The following UNC13C variants were observed in gnomAD, a reference collection of about 807,000 sequenced individuals.
The protein encoded by UNC13C is protein unc-13 homolog C.
In UNC13C, 174 loss-of-function variants were observed where a neutral mutation model predicts 245.4. The observed-to-expected ratio is 0.71, with a 90% CI of 0.63 to 0.80. The LOEUF (loss-of-function observed/expected upper bound fraction) is 0.80, where lower values mean the gene tolerates loss of function less well. UNC13C is among the 30% of genes least tolerant of loss of function. The pLI, the probability that UNC13C is intolerant of heterozygous loss-of-function variation, is 0.00. For missense variants in UNC13C, 2,829 were observed against 2,602.9 expected (o/e 1.09, Z -1.89); for synonymous variants, 992 against 895.1 (o/e 1.11, Z -1.93).
At chr15:54,335,794 G>C (rs2038559006) in intron 16 of UNC13C, among the ~76,000 whole-genome samples, 1 of 151,956 alleles carries the variant, frequency 6.6e-6, no homozygotes, top group South Asian at 2.1e-4. Flanking sequence ...TTACAATTTT[G>C]GTTTCTTACA....
Position 54,013,119 on chromosome 15 carries a change from T to C in UNC13C, c.216T>C (p.Thr72=). The change falls in exon 2 of 33, where the codon ACT becomes ACC. Residue 72 remains threonine, a synonymous_variant. Transcript: ENST00000260323. ...TVKKIAKCSS[T]HNLSTEEDEA... ...AGAAGATTGCAAAGTGTTCATCCACTCACAACTTATCCACTGAGGAAGACG... is the reference window on the plus strand; with the variant it reads ...AGAAGATTGCAAAGTGTTCATCCACCCACAACTTATCCACTGAGGAAGACG... 6.2e-7 allele frequency: 1 copy of C among 1,613,930 alleles called. No individual in the cohort carries two copies. The highest frequency in any genetic ancestry group is 8.5e-7 in the Non-Finnish European group (1 of 1,179,868).
chr15:54,190,239 A>G (rs2034137272), intron 4 of UNC13C, among the ~76,000 whole-genome samples: 1 of 152,188 alleles, frequency 6.6e-6, no homozygotes, highest in Non-Finnish European at 1.5e-5. Flanking sequence ...TAAAAAACTC[A>G]GACATACAAG....
the UNC13C span, among the ~76,000 whole-genome samples, chr15:53,859,413 A>G: frequency 8.5e-4 from 130 of 152,292 alleles, no homozygotes; most frequent in Non-Finnish European, 1.6e-3. Flanking sequence ...TACAAGAAAA[A>G]CTAATGGAAG....
At chr15:53,903,836 AGC>A in the UNC13C span, among the ~76,000 whole-genome samples, 1 of 174 alleles carries the variant, frequency 5.7e-3, no homozygotes, top group Non-Finnish European at 0.025. Flanking sequence ...AATTTCTGAC[AGC>A]TACATAGCTA....
intron 18 of UNC13C, among the ~76,000 whole-genome samples, chr15:54,407,504 A>G (rs1057390113): frequency 6.6e-6 from 1 of 152,242 alleles, no homozygotes; most frequent in African/African-American, 2.4e-5. Flanking sequence ...GTGGAGGTAA[A>G]GTAAAATAAA....
At chr15:54,243,156 C>T (rs2035901883) in intron 7 of UNC13C, among the ~76,000 whole-genome samples, 1 of 149,942 alleles carries the variant, frequency 6.7e-6, no homozygotes, top group African/African-American at 2.5e-5. Context: ...CCCGACAGGC[C>T]CCATTGTGTG....
chr15:54,451,734 CT>C (rs1357187645), intron 19 of UNC13C, among the ~76,000 whole-genome samples: 1 of 152,030 alleles, frequency 6.6e-6, no homozygotes. Context: ...AATATCATTA[CT>C]TTTAATTTTT....
intron 4 of UNC13C, among the ~76,000 whole-genome samples, chr15:54,227,565 G>C (rs2035426115): frequency 6.6e-6 from 1 of 152,204 alleles, no homozygotes; most frequent in African/African-American, 2.4e-5. Flanking sequence ...CAGGGGGGTA[G>C]TGTGTCAGGA....
At chr15:54,066,260 G>C (rs147295090) in intron 2 of UNC13C, among the ~76,000 whole-genome samples, 4 of 152,192 alleles carry the variant, frequency 2.6e-5, no homozygotes, top group African/African-American at 7.2e-5. Context: ...CTTCTAGCAT[G>C]ATGGCCAGCA....
At chr15:54,461,045 T>C (rs1354207611) in intron 19 of UNC13C, among the ~76,000 whole-genome samples, 1 of 151,550 alleles carries the variant, frequency 6.6e-6, no homozygotes, top group Non-Finnish European at 1.5e-5. Context: ...CCCTTAAATA[T>C]TGGTCTTCAA....
intron 13 of UNC13C, among the ~76,000 whole-genome samples, chr15:54,301,639 T>A (rs2037585878): frequency 6.6e-6 from 1 of 152,212 alleles, no homozygotes; most frequent in South Asian, 2.1e-4. Flanking sequence ...TATAGCTGCA[T>A]AGTATTCCAT....
intron 10 of UNC13C, among the ~76,000 whole-genome samples, chr15:54,270,294 T>G (rs2036653202): frequency 6.6e-6 from 1 of 152,168 alleles, no homozygotes; most frequent in Admixed American, 6.5e-5. Context: ...CATCCATACC[T>G]TCCCCTCCCC....
intron 24 of UNC13C, among the ~76,000 whole-genome samples, chr15:54,516,341 C>A (rs1032872618): frequency 6.6e-6 from 1 of 152,176 alleles, no homozygotes; most frequent in Non-Finnish European, 1.5e-5. Context: ...ATCAGAACTA[C>A]CTGATGAGTT....
At chr15:54,353,056 G>T (rs1164515661) in intron 17 of UNC13C, among the ~76,000 whole-genome samples, 3 of 152,178 alleles carry the variant, frequency 2.0e-5, no homozygotes, top group Admixed American at 2.0e-4. Flanking sequence ...CAGGAAAAAG[G>T]ATTTAAATGT....
intron 20 of UNC13C, among the ~76,000 whole-genome samples, chr15:54,497,631 T>G (rs1894016041): frequency 6.6e-6 from 1 of 152,076 alleles, no homozygotes. Context: ...AGCAGTCTCA[T>G]AGTGCTGAAG....
chr15:54,579,444 G>C (rs28583403), intron 30 of UNC13C, among the ~76,000 whole-genome samples: 5,224 of 152,190 alleles, frequency 0.034, 272 homozygotes, highest in African/African-American at 0.12. Context: ...TTAAATCTGA[G>C]CTGGAATAAA....
At chr15:53,976,970 G>C (rs1893728484), upstream of UNC13C, 1 of 152,166 alleles carries the variant, frequency 6.6e-6, no homozygotes, top group Non-Finnish European at 1.5e-5. Context: ...GGTGCTTCTA[G>C]GTCTAACCGG....
At chr15:54,192,764 G>C (rs2034228510) in intron 4 of UNC13C, among the ~76,000 whole-genome samples, 1 of 151,980 alleles carries the variant, frequency 6.6e-6, no homozygotes, top group Non-Finnish European at 1.5e-5. Context: ...TTCCCACTGG[G>C]CCTTCAGTCT....
At chr15:54,132,696 G>C (rs943569723) in intron 2 of UNC13C, among the ~76,000 whole-genome samples, 2 of 152,190 alleles carry the variant, frequency 1.3e-5, no homozygotes, top group Admixed American at 6.5e-5. Flanking sequence ...ACTGTTTTTG[G>C]CTCCCATGTG....
Sources: gnomAD v4.1 joint callset for allele counts (sites outside exome capture counted in the v4.1 genomes callset) on GRCh38, gnomAD v4.1.1 for gene constraint, MANE v1.5 for transcripts, NCBI Gene and HGNC (gene_info 2026-07-23, HGNC 2026-07-21) for gene names.